Variants in CHD8 observed in about 807,000 individuals in gnomAD.
CHD8 encodes the protein ATP-dependent chromatin remodeler CHD8.
Under a neutral mutation model 279.2 loss-of-function variants are expected in CHD8, and 31 were observed. That is an observed-to-expected ratio of 0.11 (90% confidence interval 0.08 to 0.15). The LOEUF is 0.15. CHD8 is among the 10% of genes least tolerant of loss of function. CHD8 has a pLI of 1.00. For missense variants in CHD8, 2,146 were observed against 3,230.5 expected (o/e 0.66, Z 8.14); for synonymous variants, 1,081 against 1,139.6 (o/e 0.95, Z 1.04).
At chr14:21,390,903 C>T (rs1178672912) in intron 37 of CHD8, 44 bp downstream of exon 37, 2 of 912,680 alleles carry the variant, frequency 2.2e-6, no homozygotes, top group Non-Finnish European at 3.5e-6. Flanking sequence ...TGTAATCTCA[C>T]ATCTAGTGTG....
intron 37 of CHD8, among the ~76,000 whole-genome samples, chr14:21,388,217 A>T (rs1199462108): frequency 2.0e-5 from 3 of 152,244 alleles, no homozygotes; most frequent in Admixed American, 6.5e-5. Context: ...TTGTTAAAAG[A>T]TATTCCATGT....
At chr14:21,426,105 A>G (rs1889305326) in intron 5 of CHD8, 23 bp downstream of exon 5, 6 of 1,396,302 alleles carry the variant, frequency 4.3e-6, no homozygotes, top group Non-Finnish European at 6.1e-6. Flanking sequence ...TTTTTCTACT[A>G]AATTCTTTTG....
chr14:21,418,307 C>T (rs959406505), intron 5 of CHD8, among the ~76,000 whole-genome samples: 5 of 150,566 alleles, frequency 3.3e-5, no homozygotes, highest in Non-Finnish European at 5.9e-5. Context: ...CATTTGAGGT[C>T]AGGAGTTCAA....
chr14:21,426,524 A>G lies in CHD8; in HGVS notation c.1602-282T>C. 3 of 313,780 alleles carry G rather than the reference A, an allele frequency of 9.6e-6. No individual in the cohort carries two copies. The South Asian group carries it at 1.9e-4, about 20-fold the overall frequency. The allele number at this position is 313,780 out of a possible 1,614,324, so 19.4% of individuals were successfully genotyped here. A position where few individuals can be genotyped will look rare whatever the true frequency, so the allele number is the denominator to read the frequency against. ...AGCACAAGATAGGAGAATAAATACC[A>G]GATTAAGAATTAGAACACTTATTGC... On this transcript the variant is annotated intron_variant, in intron 4 of 37. Coordinates refer to ENST00000646647, the MANE Select transcript of CHD8 (RefSeq NM_001170629.2).
chr14:21,394,624 A>AAG, intron 30 of CHD8, 139 bp from the exon 31 acceptor site: 1 of 575,712 alleles, frequency 1.7e-6, no homozygotes, highest in Non-Finnish European at 2.9e-6. Flanking sequence ...AAAAAAAAAA[A>AAG]GGCCCAGAAG....
intron 5 of CHD8, among the ~76,000 whole-genome samples, chr14:21,417,771 G>A (rs867902487): frequency 1.3e-5 from 2 of 150,396 alleles, no homozygotes; most frequent in African/African-American, 2.4e-5. Context: ...GGAGAATGGC[G>A]TGAACCTGGG....
At chr14:21,421,919 C>T (rs1038111830) in intron 5 of CHD8, among the ~76,000 whole-genome samples, 3 of 152,116 alleles carry the variant, frequency 2.0e-5, no homozygotes, top group Non-Finnish European at 2.9e-5. Flanking sequence ...GGGATGTGTA[C>T]CAATAGAGGA....
intron 36 of CHD8, 101 bp downstream of exon 36, chr14:21,391,362 A>T: frequency 9.0e-7 from 1 of 1,106,980 alleles, no homozygotes; most frequent in East Asian, 2.5e-5. Context: ...TATCTTGCAG[A>T]TACAGAAACG....
chr14:21,443,855 CA>C (rs369671712), intron 1 of CHD8, among the ~76,000 whole-genome samples: 1,352 of 47,252 alleles, frequency 0.029, 4 homozygotes, highest in African/African-American at 0.061. Flanking sequence ...GACTCCGTCT[CA>C]AAAAAAAAAA....
rs749428842 is a variant in CHD8 at position 21,395,080 on chromosome 14, G to A, written c.5222C>T (p.Pro1741Leu). ...TQQPGHLFWP[P>L]GSALTARLRR... is the part of the protein sequence containing the mutation. ...AAGCCTAGCTGTTAGGGCAGAGCCC[G>A]GAGGCCAGAATAAATGGCCTGGCTG... Residue 1741 changes from proline (P) to leucine (L), a missense_variant, in exon 30 of 38, where the codon CCG (proline) becomes CTG (leucine). Physicochemically the swap from Pro to Leu is moderately conservative, Grantham distance 98. Coordinates refer to ENST00000646647, the MANE Select transcript of CHD8 (RefSeq NM_001170629.2). 9.3e-6 allele frequency: 15 copies of A among 1,613,770 alleles called. No homozygotes were observed. The highest frequency in any genetic ancestry group is 4.5e-5 in the East Asian group (2 of 44,878).
chr14:21,429,870 T>C (rs1889492357), intron 2 of CHD8: 1 of 196,346 alleles, frequency 5.1e-6, no homozygotes, highest in East Asian at 1.2e-4. Context: ...CTCGAACTCC[T>C]GGCCTCAAGC....
intron 26 of CHD8, chr14:21,399,240 G>T (rs1887928412): frequency 3.4e-6 from 1 of 297,510 alleles, no homozygotes; most frequent in Non-Finnish European, 6.7e-6. Context: ...TGCACATCCA[G>T]AGGAAAGTCA....
At chr14:21,432,497 C>T (rs755896334) in intron 1 of CHD8, among the ~76,000 whole-genome samples, 1 of 152,170 alleles carries the variant, frequency 6.6e-6, no homozygotes. Flanking sequence ...TAAAAAAGGT[C>T]AATTGCAAGG....
At position 21,395,253 on chromosome 14, in the gene CHD8, C is replaced by T. The variant is rs1477470033; in HGVS notation, c.5182+45G>A. 4 of 1,546,726 alleles carry T rather than the reference C, an allele frequency of 2.6e-6. No individual in the cohort carries two copies. The East Asian group carries it at 9.0e-5, about 35-fold the overall frequency. ...CAGAATTCAGTGAATAATTCCCCAA[C>T]CCACCACCCCACACAGAATTATACT... is the stretch of plus-strand genomic sequence containing the variant. On this transcript the variant is annotated intron_variant, in intron 29 of 37. Transcript: ENST00000646647.
chr14:21,401,403 C>T lies in CHD8; in HGVS notation c.4173G>A (p.Lys1391=). 1 of 1,566,286 alleles carries T rather than the reference C, an allele frequency of 6.4e-7. No homozygotes were observed. The highest frequency in any genetic ancestry group is 1.2e-5 in the South Asian group (1 of 83,754). ...TTCCTCCCTAAAAGAAGAAACTCACCTTGCTGTTGAGCAGATCCATGTCTA... is the reference window on the plus strand; with the variant it reads ...TTCCTCCCTAAAAGAAGAAACTCACTTTGCTGTTGAGCAGATCCATGTCTA... The part of the protein sequence containing the change: ...ADLDMDLLNS[K]NNLVIDTPRV... Residue 1391 remains lysine, a splice_region_variant and synonymous_variant, in exon 21 of 38, where the codon AAG becomes AAA. Coordinates refer to ENST00000646647, the MANE Select transcript of CHD8 (RefSeq NM_001170629.2).
chr14:21,414,097 C>G lies in CHD8; in HGVS notation c.2142+204G>C. 5 of 515,726 alleles carry G rather than the reference C, an allele frequency of 9.7e-6. No individual in the cohort carries two copies. The South Asian group carries it at 1.3e-4, about 13-fold the overall frequency. 31.9% of individuals were successfully genotyped at this position (515,726 alleles called of 1,614,324 possible). A position where few individuals can be genotyped will look rare whatever the true frequency, so the allele number is the denominator to read the frequency against. On this transcript the variant is annotated intron_variant, in intron 9 of 37. Transcript: ENST00000646647. Reference sequence around the variant, plus strand: ...TTGAGGAAATCAGTTTCAAAATATCCTATAACTAATAAATGAACCATATTT... The same window carrying G: ...TTGAGGAAATCAGTTTCAAAATATCGTATAACTAATAAATGAACCATATTT...
In CHD8 at chr14:21,408,461, G is replaced by T. The variant is rs1392213269; in HGVS notation, c.2581C>A (p.Pro861Thr). 6.2e-7 allele frequency: 1 copy of T among 1,613,894 alleles called. No homozygotes were observed. The highest frequency in any genetic ancestry group is 8.5e-7 in the Non-Finnish European group (1 of 1,179,868). ...QEVYNVGIHG[P>T]FLVIAPLSTI... ...GACAGTGGGGCAATGACCAAGAAGG[G>T]ACCATGGATGCCCACATTATATACT... The change falls in exon 13 of 38, where the codon CCC (proline) becomes ACC (threonine). Residue 861 changes from proline (P) to threonine (T), a missense_variant. Coordinates refer to ENST00000646647, the MANE Select transcript of CHD8 (RefSeq NM_001170629.2). This position sits in a 1 kb window ranked among gnomAD's most constrained non-coding sequence, Gnocchi z 4.3.
intron 1 of CHD8, among the ~76,000 whole-genome samples, chr14:21,451,209 A>G (rs1188809849): frequency 6.6e-6 from 1 of 152,092 alleles, no homozygotes; most frequent in Non-Finnish European, 1.5e-5. Flanking sequence ...AATGTTGTCT[A>G]AGATCCCTAC....
At chr14:21,409,536 AT>A (rs1396140053) in intron 11 of CHD8, among the ~76,000 whole-genome samples, 1 of 152,220 alleles carries the variant, frequency 6.6e-6, no homozygotes, top group Non-Finnish European at 1.5e-5. Context: ...GAATGATTAA[AT>A]TTTTTAGGTG....
Sources: gnomAD v4.1 joint callset for allele counts (sites outside exome capture counted in the v4.1 genomes callset) on GRCh38, gnomAD v4.1.1 for gene constraint, Gnocchi (gnomAD v3.1) non-coding constraint, MANE v1.5 for transcripts, NCBI Gene and HGNC (gene_info 2026-07-23, HGNC 2026-07-21) for gene names.